The following PCDH9 variants were observed in gnomAD, a reference collection of about 807,000 sequenced individuals.
PCDH9 encodes the protein protocadherin 9.
Under a neutral mutation model 70.6 loss-of-function variants are expected in PCDH9, and 24 were observed. The ratio of observed to expected loss-of-function variants is 0.34; its 90% CI spans 0.25 to 0.48. The LOEUF (loss-of-function observed/expected upper bound fraction) is 0.48, where lower values mean the gene tolerates loss of function less well. Ranked by LOEUF, PCDH9 falls within the 20% of genes least tolerant of loss-of-function variation. The pLI, the probability that PCDH9 is intolerant of heterozygous loss-of-function variation, is 0.99. For missense variants in PCDH9, 1,281 were observed against 1,503.6 expected (o/e 0.85, Z 2.45); for synonymous variants, 562 against 558.5 (o/e 1.01, Z -0.09).
chr13:66,948,924 T>TG (rs1408697335), intron 2 of PCDH9, among the ~76,000 whole-genome samples: 1 of 152,118 alleles, frequency 6.6e-6, no homozygotes, highest in Non-Finnish European at 1.5e-5. Context: ...AACTACGCAG[T>TG]AGGGTGTCTA....
rs1378056555 is a variant in PCDH9, at chr13:66,849,511, TATATATAGAGAGAG to T, written c.3138+53979_3138+53992del. Among the ~76,000 whole-genome samples, 35 of 82,170 alleles carry T rather than the reference TATATATAGAGAGAG, an allele frequency of 4.3e-4. No homozygotes were observed. The South Asian group carries it at 0.017, about 40-fold the overall frequency. 53.9% of individuals were successfully genotyped at this position (82,170 alleles called of 152,430 possible). ...GTATATATATATATATATATATATA[TATATATAGAGAGAG>T]AGAGAGAGAGAGAGAGAGAGATTGC... On this transcript the variant is annotated intron_variant, in intron 3 of 4. Transcript: ENST00000377865.
intron 2 of PCDH9, among the ~76,000 whole-genome samples, chr13:67,003,495 T>C (rs866807673): frequency 3.3e-5 from 5 of 151,328 alleles, no homozygotes; most frequent in African/African-American, 1.2e-4. Flanking sequence ...ATTTCACTCT[T>C]TTATTCTATG....
intron 3 of PCDH9, among the ~76,000 whole-genome samples, chr13:66,658,795 A>G (rs979555695): frequency 2.0e-5 from 3 of 152,136 alleles, no homozygotes; most frequent in Admixed American, 6.6e-5. Context: ...TTGAAATTCT[A>G]TGTTGATATC....
chr13:66,971,455 G>A (rs145486584), intron 2 of PCDH9, among the ~76,000 whole-genome samples: 4 of 152,002 alleles, frequency 2.6e-5, no homozygotes, highest in Admixed American at 6.6e-5. Context: ...ATAACATCAA[G>A]GATGAATGCA....
chr13:67,229,490 A>G (rs1345629981), intron 1 of PCDH9, among the ~76,000 whole-genome samples: 1 of 152,216 alleles, frequency 6.6e-6, no homozygotes, highest in Non-Finnish European at 1.5e-5. Context: ...CATGCAGGTA[A>G]AAAGGCTTCT....
intron 3 of PCDH9, among the ~76,000 whole-genome samples, chr13:66,790,685 T>A (rs1000909096): frequency 1.9e-4 from 29 of 152,158 alleles, no homozygotes; most frequent in African/African-American, 6.7e-4. Flanking sequence ...TCCCATGACA[T>A]AAATTGCCAC....
At chr13:67,039,294 A>G (rs2085066512) in intron 2 of PCDH9, among the ~76,000 whole-genome samples, 1 of 152,142 alleles carries the variant, frequency 6.6e-6, no homozygotes, top group Non-Finnish European at 1.5e-5. Context: ...CACAGGCAGA[A>G]CCTAAGTACC....
chr13:66,976,391 C>T (rs964245199), intron 2 of PCDH9, among the ~76,000 whole-genome samples: 3 of 152,042 alleles, frequency 2.0e-5, no homozygotes, highest in Non-Finnish European at 4.4e-5. Flanking sequence ...GGGCAACTTT[C>T]ATATGGGTAT....
rs181053373 is a variant in PCDH9, at chr13:66,428,260, T to G, written c.3341-123232A>C. Among the ~76,000 whole-genome samples, 8 of 151,838 alleles carry G rather than the reference T, an allele frequency of 5.3e-5. No individual in the cohort carries two copies. In the East Asian group the frequency reaches 1.5e-3, roughly 29 times the overall value. On this transcript the variant is annotated intron_variant, in intron 4 of 4. Coordinates refer to ENST00000377865, the MANE Select transcript of PCDH9 (RefSeq NM_203487.3). ...AGATACAAACAAACATCCCAATCAA[T>G]GAATCCAACATGTCAGGAAAACTCT...
chr13:66,852,344 T>C (rs2081327792), intron 3 of PCDH9, among the ~76,000 whole-genome samples: 1 of 152,170 alleles, frequency 6.6e-6, no homozygotes, highest in Non-Finnish European at 1.5e-5. Context: ...TTAATCATTT[T>C]CCCTCTCAAT....
chr13:66,578,822 G>T (rs2076850659), intron 4 of PCDH9, among the ~76,000 whole-genome samples: 1 of 152,010 alleles, frequency 6.6e-6, no homozygotes, highest in African/African-American at 2.4e-5. Flanking sequence ...TAGCCATTTT[G>T]GGAGCCAACT....
At chr13:67,103,359 T>C (rs1463284240) in intron 2 of PCDH9, among the ~76,000 whole-genome samples, 1 of 152,196 alleles carries the variant, frequency 6.6e-6, no homozygotes. Context: ...TGATATAAAC[T>C]GAAAGGCTTT....
intron 2 of PCDH9, among the ~76,000 whole-genome samples, chr13:67,177,664 A>C (rs559506644): frequency 1.3e-5 from 2 of 152,052 alleles, no homozygotes; most frequent in Admixed American, 6.6e-5. Flanking sequence ...GTCTCTCTCC[A>C]TTGTCCTCTC....
At chr13:66,362,286 T>C (rs148088553) in intron 4 of PCDH9, among the ~76,000 whole-genome samples, 1,890 of 152,334 alleles carry the variant, frequency 0.012, 12 homozygotes, top group Non-Finnish European at 0.019. Context: ...GAGATATAGA[T>C]GTAACGGAAA....
At chr13:66,580,911 C>A (rs1487920255) in intron 4 of PCDH9, among the ~76,000 whole-genome samples, 1 of 152,050 alleles carries the variant, frequency 6.6e-6, no homozygotes, top group Non-Finnish European at 1.5e-5. Context: ...TGAAAGATTA[C>A]AGAGGTGGGT....
intron 4 of PCDH9, among the ~76,000 whole-genome samples, chr13:66,350,275 T>G (rs1281372793): frequency 3.9e-5 from 6 of 152,200 alleles, no homozygotes; most frequent in African/African-American, 1.4e-4. Flanking sequence ...AGCAACATAA[T>G]TTTTCCAACC....
At chr13:66,684,468 T>A (rs1020795645) in intron 3 of PCDH9, among the ~76,000 whole-genome samples, 4 of 152,184 alleles carry the variant, frequency 2.6e-5, no homozygotes, top group East Asian at 1.9e-4. Flanking sequence ...GGGAGGAAAC[T>A]GAATCATGGG....
chr13:67,033,184 C>T (rs2084940641), intron 2 of PCDH9, among the ~76,000 whole-genome samples: 1 of 152,118 alleles, frequency 6.6e-6, no homozygotes, highest in African/African-American at 2.4e-5. Context: ...TGATTACATG[C>T]TACCAATCAG....
At chr13:66,798,280 C>T (rs765101247) in intron 3 of PCDH9, among the ~76,000 whole-genome samples, 43 of 151,994 alleles carry the variant, frequency 2.8e-4, no homozygotes, top group Non-Finnish European at 3.4e-4. Flanking sequence ...CATTAAATGC[C>T]GTAAATAATT....
Sources: gnomAD v4.1 joint callset for allele counts (sites outside exome capture counted in the v4.1 genomes callset) on GRCh38, gnomAD v4.1.1 for gene constraint, MANE v1.5 for transcripts, NCBI Gene and HGNC (gene_info 2026-07-23, HGNC 2026-07-21) for gene names.